The following IGSF6 variants were observed in gnomAD, a reference collection of about 807,000 sequenced individuals.
IGSF6 encodes immunoglobulin superfamily member 6, also known as down-regulated by activation (immunoglobulin superfamily).
IGSF6 carries 23 observed loss-of-function variants against 24.7 expected under a neutral mutation model. The ratio of observed to expected loss-of-function variants is 0.93; its 90% confidence interval spans 0.67 to 1.32. The LOEUF (loss-of-function observed/expected upper bound fraction) is 1.32. Ranked by LOEUF, IGSF6 falls within the 40% of genes most tolerant of loss-of-function variation. IGSF6 has a pLI of 0.00. For missense variants in IGSF6, 295 were observed against 293.6 expected, an observed-to-expected ratio of 1.00 and a Z score of -0.04; for synonymous variants, 110 against 113.7, an observed-to-expected ratio of 0.97 and a Z score of 0.21.
chr16:21,644,678 A>T (rs558246894), intron 2 of IGSF6, among the ~76,000 whole-genome samples: 14 of 152,232 alleles, frequency 9.2e-5, no homozygotes, highest in Non-Finnish European at 1.8e-4. Flanking sequence ...CTTTTTAGAT[A>T]AAGGATTATT....
chr16:21,644,113 G>C (rs1439772269), intron 3 of IGSF6, among the ~76,000 whole-genome samples, 177 bp downstream of exon 3: 1 of 152,212 alleles, frequency 6.6e-6, no homozygotes, highest in African/African-American at 2.4e-5. Flanking sequence ...TGATGAGAAT[G>C]TATGATGCCT....
chr16:21,647,971 G>A (rs888625881), intron 1 of IGSF6, among the ~76,000 whole-genome samples: 5 of 152,200 alleles, frequency 3.3e-5, no homozygotes, highest in Non-Finnish European at 5.9e-5. Flanking sequence ...CAGCAGCGAT[G>A]TTTGTGCTTT....
intron 1 of IGSF6, among the ~76,000 whole-genome samples, chr16:21,648,041 G>C (rs1188380378): frequency 6.6e-6 from 1 of 152,118 alleles, no homozygotes; most frequent in Non-Finnish European, 1.5e-5. Flanking sequence ...TGTGAGCCTG[G>C]TGTCCCTTTG....
At chr16:21,652,347 CT>C in intron 1 of IGSF6, 184 bp downstream of exon 1, 1 of 489,694 alleles carries the variant, frequency 2.0e-6, no homozygotes, top group Non-Finnish European at 3.6e-6. Flanking sequence ...TAATATGAAA[CT>C]TTTTCTCAGC....
intron 1 of IGSF6, 77 bp downstream of exon 1, chr16:21,652,454 CT>C: frequency 3.5e-6 from 4 of 1,135,788 alleles, no homozygotes; most frequent in Non-Finnish European, 3.9e-6. Context: ...TCTGAAGGAG[CT>C]TAAAATATAA....
At chr16:21,650,055 C>G (rs935218091) in intron 1 of IGSF6, among the ~76,000 whole-genome samples, 3 of 152,104 alleles carry the variant, frequency 2.0e-5, no homozygotes, top group Admixed American at 2.0e-4. Flanking sequence ...AGGCTGAGAC[C>G]GGAGGCTGAT....
chr16:21,643,236 T>C (rs1289944016), intron 4 of IGSF6, 82 bp from the exon 5 acceptor site: 1 of 1,066,912 alleles, frequency 9.4e-7, no homozygotes, highest in African/African-American at 1.6e-5. Context: ...CTTTTCTTGC[T>C]CTATTGCCAC....
rs1456619438 is a variant in IGSF6 at position 21,641,508 on chromosome 16, T to C, written c.*26A>G. The C allele has an allele frequency of 7.5e-6, 11 of 1,462,306 alleles. 1 individual carries two copies. In the South Asian group the frequency reaches 1.2e-4, roughly 16 times the overall value. 90.6% of individuals were successfully genotyped at this position (1,462,306 alleles called of 1,614,324 possible). The stretch of plus-strand genomic sequence containing the variant: ...ATAGCTCCTGGAGTTGGATTTTCAG[T>C]GACTTCATTGAAAATTAAAACGTTT... On this transcript the variant is annotated 3_prime_UTR_variant, in exon 6 of 6. Coordinates refer to ENST00000268389, the MANE Select transcript of IGSF6 (RefSeq NM_005849.4).
In IGSF6 at chr16:21,652,440, T is replaced by C. The variant is rs1344981206; in HGVS notation, c.67+92A>G. 3.1e-6 allele frequency: 3 copies of C among 977,950 alleles called. No homozygotes were observed. The Admixed American group carries it at 7.4e-5, about 24-fold the overall frequency. The allele number at this position is 977,950 out of a possible 1,614,324, so 60.6% of individuals were successfully genotyped here. A position where few individuals can be genotyped will look rare whatever the true frequency, so the allele number is the denominator to read the frequency against. ...TTTCATAATGTTATACATTTAAAAA[T>C]TAATCTGAAGGAGCTTAAAATATAA... is the stretch of plus-strand genomic sequence containing the variant. On this transcript the variant is annotated intron_variant, in intron 1 of 5. Coordinates refer to ENST00000268389, the MANE Select transcript of IGSF6 (RefSeq NM_005849.4).
Position 21,639,788 on chromosome 16 carries a change from A to G in IGSF6, c.*1746T>C, listed in dbSNP as rs1168916185. ...CCCCTGCCCATTTTTCTGGGCACAT[A>G]GGATCAGGAAAGTTTGATATCACTG... On this transcript the variant is annotated 3_prime_UTR_variant, in exon 6 of 6. Coordinates refer to ENST00000268389, the MANE Select transcript of IGSF6 (RefSeq NM_005849.4). The G allele has an allele frequency of 6.6e-6, 1 of 152,178 alleles. No homozygotes were observed. The highest frequency in any genetic ancestry group is 2.4e-5 in the African/African-American group (1 of 41,434). 9.4% of individuals were successfully genotyped at this position (152,178 alleles called of 1,614,324 possible).
Position 21,646,970 on chromosome 16 carries a change from T to G in IGSF6, c.427+163A>C, listed in dbSNP as rs548135159. 52 of 918,760 alleles carry G rather than the reference T, an allele frequency of 5.7e-5. No individual in the cohort carries two copies. The East Asian group carries it at 1.1e-3, about 20-fold the overall frequency. 56.9% of individuals were successfully genotyped at this position (918,760 alleles called of 1,614,324 possible). A position where few individuals can be genotyped will look rare whatever the true frequency, so the allele number is the denominator to read the frequency against. ...CGCCCAGCCAGTTGGAGTAGTTCTTTAGTCCAAACCTCATGGTGACTTGTG... is the reference window on the plus strand; with the variant it reads ...CGCCCAGCCAGTTGGAGTAGTTCTTGAGTCCAAACCTCATGGTGACTTGTG... On this transcript the variant is annotated intron_variant, in intron 2 of 5. Transcript: ENST00000268389.
chr16:21,642,966 A>C, intron 5 of IGSF6, 108 bp downstream of exon 5: 1 of 686,098 alleles, frequency 1.5e-6, no homozygotes, highest in Non-Finnish European at 2.5e-6. Flanking sequence ...GTTCTCTTTC[A>C]GACTCTTCTG....
Position 21,644,299 on chromosome 16 carries a change from G to C in IGSF6, c.525C>G (p.Leu175=). ...YVTGVCVAFI[L]LSKSKSNPLR... ...AGAGGATTTGACTTACTTTGGAGAGGAGTATGAAGGCCACGCACACACCGG... is the reference window on the plus strand; with the variant it reads ...AGAGGATTTGACTTACTTTGGAGAGCAGTATGAAGGCCACGCACACACCGG... Residue 175 remains leucine (L), a synonymous_variant, in exon 3 of 6, where the codon CTC becomes CTG. Coordinates refer to ENST00000268389, the MANE Select transcript of IGSF6 (RefSeq NM_005849.4). 2 of 1,607,998 alleles carry C rather than the reference G, an allele frequency of 1.2e-6. No individual in the cohort carries two copies. The highest frequency in any genetic ancestry group is 1.7e-6 in the Non-Finnish European group (2 of 1,174,458).
Position 21,640,241 on chromosome 16 carries a change from A to G in IGSF6, c.*1293T>C, listed in dbSNP as rs1383281512. On this transcript the variant is annotated 3_prime_UTR_variant, in exon 6 of 6. Transcript: ENST00000268389. ...GCGTGAGCCACCACACCCGGCCTAA[A>G]AGAGACACTTTAATGAAATAAACAT... The G allele has an allele frequency of 6.6e-6, 1 of 152,118 alleles. No homozygotes were observed. The highest frequency in any genetic ancestry group is 1.5e-5 in the Non-Finnish European group (1 of 68,032). The allele number at this position is 152,118 out of a possible 1,614,324, so 9.4% of individuals were successfully genotyped here. A position where few individuals can be genotyped will look rare whatever the true frequency, so the allele number is the denominator to read the frequency against.
chr16:21,645,431 C>T (rs956017581), intron 2 of IGSF6, among the ~76,000 whole-genome samples: 1 of 151,914 alleles, frequency 6.6e-6, no homozygotes, highest in Non-Finnish European at 1.5e-5. Flanking sequence ...CACTCCAGCC[C>T]GGGCGACAGA....
At chr16:21,646,717 C>T (rs1057242254) in intron 2 of IGSF6, 21 of 283,908 alleles carry the variant, frequency 7.4e-5, no homozygotes, top group African/African-American at 3.8e-4. Flanking sequence ...TGCAGTAGTG[C>T]GATCTCGGTT....
At position 21,641,540 on chromosome 16, in the gene IGSF6, C is replaced by A; in HGVS notation, c.720G>T (p.Arg240Ser). The A allele has an allele frequency of 6.3e-7, 1 of 1,579,310 alleles. No homozygotes were observed. The highest frequency in any genetic ancestry group is 8.7e-7 in the Non-Finnish European group (1 of 1,153,176). Reference sequence around the variant, plus strand: ...ATTGAAAATTAAAACGTTTCTATGGCCTTTCATAGTTGGAAAGTACTCTTC... The same window carrying A: ...ATTGAAAATTAAAACGTTTCTATGGACTTTCATAGTTGGAAAGTACTCTTC... ...ENRRVLSNYERP is the reference protein window; with the variant it reads ...ENRRVLSNYESP Residue 240 changes from arginine (R) to serine (S), a missense_variant, in exon 6 of 6, where the codon AGG becomes AGT. Arg to Ser is a moderately radical substitution (Grantham distance 110). Transcript: ENST00000268389.
At chr16:21,644,708 CCAGA>C (rs1262445350) in intron 2 of IGSF6, among the ~76,000 whole-genome samples, 1 of 152,186 alleles carries the variant, frequency 6.6e-6, no homozygotes, top group Non-Finnish European at 1.5e-5. Context: ...ATAAACATTT[CCAGA>C]CAGTTTGTTC....
At chr16:21,647,796 T>G (rs1326658593) in intron 1 of IGSF6, among the ~76,000 whole-genome samples, 1 of 152,088 alleles carries the variant, frequency 6.6e-6, no homozygotes, top group Non-Finnish European at 1.5e-5. Context: ...CTCAGAAGTT[T>G]GGGGTCCATC....
Sources: gnomAD v4.1 joint callset for allele counts (sites outside exome capture counted in the v4.1 genomes callset) on GRCh38, gnomAD v4.1.1 for gene constraint, MANE v1.5 for transcripts, NCBI Gene and HGNC (gene_info 2026-07-23, HGNC 2026-07-21) for gene names.